CHD6: variants seen among roughly 807,000 people sequenced by gnomAD.
CHD6 encodes ATP-dependent chromatin remodeler CHD6.
CHD6 carries 50 observed loss-of-function variants against 276.9 expected under a neutral mutation model. The ratio of observed to expected loss-of-function variants is 0.18; its 90% CI spans 0.14 to 0.23. The LOEUF is 0.23. Among genes scored for constraint, CHD6 ranks in the 10% least tolerant of loss-of-function variants. The pLI is 1.00. For missense variants in CHD6, 2,564 were observed against 3,365.8 expected, an observed-to-expected ratio of 0.76 and a Z score of 5.89; for synonymous variants, 1,173 against 1,229.3, an observed-to-expected ratio of 0.95 and a Z score of 0.96.
In CHD6 at chr20:41,403,819, C is replaced by A. The variant is rs554235021; in HGVS notation, c.*774G>T. On this transcript the variant is annotated 3_prime_UTR_variant, in exon 37 of 37. Transcript: ENST00000373233. ...TGAAGCAGCGTGTAGCTCTACGGAG[C>A]GCGGGTCCTTGCCCCACCCCCGTCG... 6.6e-6 allele frequency: 7 copies of A among 1,057,050 alleles called. No individual in the cohort carries two copies. Among genetic ancestry groups the A allele is most frequent in the Non-Finnish European group, 8.0e-6 (7 of 874,234 alleles). The allele number at this position is 1,057,050 out of a possible 1,614,324, so 65.5% of individuals were successfully genotyped here.
chr20:41,573,002 C>T (rs1023397300), intron 1 of CHD6, among the ~76,000 whole-genome samples: 4 of 151,990 alleles, frequency 2.6e-5, no homozygotes, highest in East Asian at 1.9e-4. Flanking sequence ...CTCTGCCTCA[C>T]GGGTTCACGT....
chr20:41,583,344 A>C (rs1040473955), intron 1 of CHD6, among the ~76,000 whole-genome samples: 16 of 152,092 alleles, frequency 1.1e-4, no homozygotes, highest in African/African-American at 3.4e-4. Context: ...CAGACTACTC[A>C]TCAGATTTTT....
At chr20:41,460,407 T>C (rs541449690) in intron 17 of CHD6, among the ~76,000 whole-genome samples, 10 of 152,334 alleles carry the variant, frequency 6.6e-5, no homozygotes, top group South Asian at 4.1e-4. Flanking sequence ...GAGACCTTCA[T>C]GGCAGCCCCT....
intron 5 of CHD6, among the ~76,000 whole-genome samples, chr20:41,510,353 G>C (rs779412893): frequency 6.6e-6 from 1 of 152,172 alleles, no homozygotes; most frequent in Non-Finnish European, 1.5e-5. Flanking sequence ...GGACTCTACA[G>C]AGCACCAATT....
At chr20:41,434,512 A>G (rs937010331) in intron 27 of CHD6, among the ~76,000 whole-genome samples, 3 of 152,142 alleles carry the variant, frequency 2.0e-5, no homozygotes, top group Admixed American at 6.6e-5. Flanking sequence ...CTGGGATTAC[A>G]GGCATGCACC....
At chr20:41,412,046 G>T in intron 36 of CHD6, 98 bp downstream of exon 36, 2 of 1,516,048 alleles carry the variant, frequency 1.3e-6, no homozygotes, top group Non-Finnish European at 8.9e-7. Context: ...GTCTCCCAGC[G>T]AACCCCTTCC....
intron 1 of CHD6, among the ~76,000 whole-genome samples, chr20:41,618,005 C>T (rs1014555826): frequency 6.8e-6 from 1 of 146,804 alleles, no homozygotes; most frequent in African/African-American, 2.4e-5. Flanking sequence ...GGGGTCTGCC[C>T]GGACCCCCGC....
intron 5 of CHD6, among the ~76,000 whole-genome samples, chr20:41,508,414 A>T (rs2145943171): frequency 6.6e-6 from 1 of 152,246 alleles, no homozygotes; most frequent in Admixed American, 6.5e-5. Context: ...GAGACTGAGA[A>T]ATACCAGCAA....
In CHD6 at chr20:41,573,090, T is replaced by C. The variant is rs180819231; in HGVS notation, c.-23-21730A>G. On this transcript the variant is annotated intron_variant, in intron 1 of 36. Coordinates refer to ENST00000373233, the MANE Select transcript of CHD6 (RefSeq NM_032221.5). ...ACGCCCAGCTAATTTTTTGTATTTT[T>C]AGTAGAGATGGGGTTTCACCATGTT... is the stretch of plus-strand genomic sequence containing the variant. 1.9e-3 allele frequency among the ~76,000 whole-genome samples: 288 copies of C among 152,236 alleles called. 2 individuals are homozygous for C. Among genetic ancestry groups the C allele is most frequent in the East Asian group, 0.012 (62 of 5,158 alleles).
chr20:41,519,959 G>A (rs1257491461), intron 3 of CHD6, among the ~76,000 whole-genome samples: 7 of 152,064 alleles, frequency 4.6e-5, no homozygotes, highest in Admixed American at 2.6e-4. Context: ...TCAGCAACGA[G>A]CTCAAAACAA....
At chr20:41,423,731 C>A in intron 29 of CHD6, 31 bp from the exon 30 acceptor site, 1 of 1,575,670 alleles carries the variant, frequency 6.3e-7, no homozygotes, top group South Asian at 1.1e-5. Context: ...GAAGAGTGAG[C>A]TCTTTCTTCT....
intron 1 of CHD6, among the ~76,000 whole-genome samples, chr20:41,617,131 T>A (rs2045940781): frequency 6.6e-6 from 1 of 152,176 alleles, no homozygotes; most frequent in Non-Finnish European, 1.5e-5. Flanking sequence ...TCTGTGTTCG[T>A]GGATCTGCCA....
intron 30 of CHD6, among the ~76,000 whole-genome samples, chr20:41,423,119 A>G (rs1388057013): frequency 6.6e-6 from 1 of 152,244 alleles, no homozygotes; most frequent in Non-Finnish European, 1.5e-5. Flanking sequence ...GGAAATACTT[A>G]AAGTTATTAA....
chr20:41,607,993 A>C (rs1352846419), intron 1 of CHD6, among the ~76,000 whole-genome samples: 1 of 152,196 alleles, frequency 6.6e-6, no homozygotes, highest in Non-Finnish European at 1.5e-5. Context: ...TCCTTAAGGA[A>C]GAGAACCAGA....
At chr20:41,444,395 T>A (rs1263223371) in intron 25 of CHD6, among the ~76,000 whole-genome samples, 1 of 152,220 alleles carries the variant, frequency 6.6e-6, no homozygotes, top group African/African-American at 2.4e-5. Flanking sequence ...ACAGGGCTAG[T>A]GGCTTCCACA....
At chr20:41,592,188 G>A (rs2045670060) in intron 1 of CHD6, among the ~76,000 whole-genome samples, 1 of 152,094 alleles carries the variant, frequency 6.6e-6, no homozygotes, top group African/African-American at 2.4e-5. Context: ...AGTACTATCA[G>A]CATTTTCATG....
chr20:41,402,713 TTACA>T lies in CHD6; in HGVS notation c.*1876_*1879del. 1 of 212,082 alleles carries T rather than the reference TTACA, an allele frequency of 4.7e-6. No homozygotes were observed. Among genetic ancestry groups the T allele is most frequent in the Non-Finnish European group, 9.6e-6 (1 of 104,594 alleles). The allele number at this position is 212,082 out of a possible 1,614,324, so 13.1% of individuals were successfully genotyped here. Reference sequence around the variant, plus strand: ...AAATATATTGATTGAGTTATTTTTCTTACATAAATAAATTATATTGATTTTTAGG... The same window carrying T: ...AAATATATTGATTGAGTTATTTTTCTTAAATAAATTATATTGATTTTTAGG... On this transcript the variant is annotated 3_prime_UTR_variant, in exon 37 of 37. Coordinates refer to ENST00000373233, the MANE Select transcript of CHD6 (RefSeq NM_032221.5).
chr20:41,606,960 C>T lies in CHD6; in HGVS notation c.-24+11380G>A, dbSNP rs950323856. On this transcript the variant is annotated intron_variant, in intron 1 of 36. Coordinates refer to ENST00000373233, the MANE Select transcript of CHD6 (RefSeq NM_032221.5). Reference sequence around the variant, plus strand: ...CTGCTGCTGGAGTATAGAGTACAAACCACTTTCCTGCATTAAAACCTCTGA... The same window carrying T: ...CTGCTGCTGGAGTATAGAGTACAAATCACTTTCCTGCATTAAAACCTCTGA... Among the ~76,000 whole-genome samples the T allele has an allele frequency of 2.0e-5, 3 of 152,136 alleles. No homozygotes were observed. The East Asian group carries it at 5.8e-4, about 29-fold the overall frequency.
chr20:41,597,110 G>A (rs1282025871), intron 1 of CHD6, among the ~76,000 whole-genome samples: 1 of 152,074 alleles, frequency 6.6e-6, no homozygotes, highest in Non-Finnish European at 1.5e-5. Flanking sequence ...TTTCAAATGT[G>A]GAAGAATAGG....
Sources: allele counts gnomAD v4.1 joint callset (sites outside exome capture counted in the v4.1 genomes callset), GRCh38; gene constraint gnomAD v4.1.1; transcripts MANE v1.5; gene names NCBI Gene and HGNC (gene_info 2026-07-23, HGNC 2026-07-21).